Variants in ESCO1 observed in about 807,000 individuals in gnomAD.
ESCO1 encodes the protein N-acetyltransferase ESCO1.
A neutral mutation model predicts 83.5 loss-of-function variants in ESCO1; 33 were observed. That is an observed-to-expected ratio of 0.40 (90% confidence interval 0.30 to 0.53). ESCO1 has a LOEUF of 0.53. ESCO1 is among the 20% of genes least tolerant of loss of function. The pLI is 0.63. For synonymous variants in ESCO1, 332 were observed against 324.3 expected, an observed-to-expected ratio of 1.02 and a Z score of -0.25; for missense variants, 855 against 968.0, an observed-to-expected ratio of 0.88 and a Z score of 1.55.
At chr18:21,583,571 G>A (rs1310557686) in intron 2 of ESCO1, among the ~76,000 whole-genome samples, 1 of 151,908 alleles carries the variant, frequency 6.6e-6, no homozygotes, top group Non-Finnish European at 1.5e-5. Flanking sequence ...TTGAACCCAG[G>A]AGGCAGAGGT....
At chr18:21,591,222 G>A (rs190245058) in intron 1 of ESCO1, among the ~76,000 whole-genome samples, 1 of 152,324 alleles carries the variant, frequency 6.6e-6, no homozygotes, top group East Asian at 1.9e-4. Context: ...CCTTGTAAGA[G>A]AAGGAGACAG....
chr18:21,570,908 C>T lies in ESCO1; in HGVS notation c.1530+2406G>A, dbSNP rs906593183. On this transcript the variant is annotated intron_variant, in intron 4 of 11. Transcript: ENST00000269214. ...AGGAGAATGGCGTGAACCCAGGAGGCGGAGCCTGCAGTGAGCCGAGATGCA... is the reference window on the plus strand; with the variant it reads ...AGGAGAATGGCGTGAACCCAGGAGGTGGAGCCTGCAGTGAGCCGAGATGCA... Among the ~76,000 whole-genome samples the T allele has an allele frequency of 3.3e-5, 5 of 149,834 alleles. No individual in the cohort carries two copies. The South Asian group carries it at 6.3e-4, about 19-fold the overall frequency.
At chr18:21,549,817 A>C (rs1238088934) in intron 8 of ESCO1, among the ~76,000 whole-genome samples, 2 of 151,290 alleles carry the variant, frequency 1.3e-5, no homozygotes, top group Non-Finnish European at 2.9e-5. Context: ...AAATACAAAA[A>C]TTAGCTGGGT....
intron 8 of ESCO1, among the ~76,000 whole-genome samples, chr18:21,546,068 A>T (rs530210630): frequency 6.6e-6 from 1 of 152,266 alleles, no homozygotes; most frequent in Non-Finnish European, 1.5e-5. Flanking sequence ...CTCTCAATTC[A>T]GTAAATTTGT....
intron 7 of ESCO1, among the ~76,000 whole-genome samples, 181 bp downstream of exon 7, chr18:21,564,022 T>A (rs568032826): frequency 2.2e-4 from 34 of 151,906 alleles, no homozygotes; most frequent in Non-Finnish European, 3.7e-4. Context: ...TCTGCTTTCC[T>A]CCATAAGTTG....
At chr18:21,591,547 T>A (rs988727064) in intron 1 of ESCO1, among the ~76,000 whole-genome samples, 1 of 152,308 alleles carries the variant, frequency 6.6e-6, no homozygotes, top group Admixed American at 6.5e-5. Context: ...TATCAAACTT[T>A]CTTTCTTCAT....
chr18:21,567,853 T>C, intron 5 of ESCO1, 127 bp downstream of exon 5: 1 of 644,474 alleles, frequency 1.6e-6, no homozygotes, highest in East Asian at 2.9e-5. Context: ...GATAATCACA[T>C]ATTTGAAAAA....
Position 21,564,432 on chromosome 18 carries a change from C to T in ESCO1, c.1707-115G>A, listed in dbSNP as rs948179559. ...TTGAGACGAAGTCTCACTCTGTCGC[C>T]CAGGCTGGAGTGCAGTGGCGCAATC... On this transcript the variant is annotated intron_variant, in intron 6 of 11. Coordinates refer to ENST00000269214, the MANE Select transcript of ESCO1 (RefSeq NM_052911.3). 4.1e-6 allele frequency: 3 copies of T among 726,776 alleles called. No individual in the cohort carries two copies. In the African/African-American group the frequency reaches 5.4e-5, roughly 13 times the overall value. 45.0% of individuals were successfully genotyped at this position (726,776 alleles called of 1,614,324 possible). A position where few individuals can be genotyped will look rare whatever the true frequency, so the allele number is the denominator to read the frequency against.
In ESCO1 at chr18:21,573,615, T is replaced by TGA; in HGVS notation, c.1227_1228dup (p.Gln410LeufsTer7). 1 of 1,614,090 alleles carries TGA rather than the reference T, an allele frequency of 6.2e-7. No individual in the cohort carries two copies. Among genetic ancestry groups the TGA allele is most frequent in the Non-Finnish European group, 8.5e-7 (1 of 1,179,982 alleles). Reference sequence around the variant, plus strand: ...TAATAAGCCTAATTTAGGGGAAACTTGAGAGTCCAACTTATTGTGCTGCAC... The same window carrying TGA: ...TAATAAGCCTAATTTAGGGGAAACTTGAGAGAGTCCAACTTATTGTGCTGCAC... On this transcript the variant is annotated frameshift_variant, in exon 4 of 12. Coordinates refer to ENST00000269214, the MANE Select transcript of ESCO1 (RefSeq NM_052911.3). LOFTEE classifies it high-confidence loss of function.
At chr18:21,588,659 G>GT (rs1568113387) in intron 1 of ESCO1, among the ~76,000 whole-genome samples, 1 of 152,156 alleles carries the variant, frequency 6.6e-6, no homozygotes, top group Non-Finnish European at 1.5e-5. Context: ...GCTCACGCCT[G>GT]TAATACTAAC....
chr18:21,600,246 C>G (rs549318901), intron 1 of ESCO1, among the ~76,000 whole-genome samples: 1 of 152,352 alleles, frequency 6.6e-6, no homozygotes, highest in East Asian at 1.9e-4. Flanking sequence ...ACTGGCGCTG[C>G]CCCGGTGCTA....
chr18:21,558,000 A>C (rs966147013), intron 8 of ESCO1, among the ~76,000 whole-genome samples: 2 of 149,524 alleles, frequency 1.3e-5, no homozygotes, highest in Non-Finnish European at 3.0e-5. Flanking sequence ...TTTTTTTTGA[A>C]ACAGGGTCCT....
intron 6 of ESCO1, 26 bp from the exon 7 acceptor site, chr18:21,564,343 G>A (rs1568102495): frequency 7.1e-7 from 1 of 1,409,376 alleles, no homozygotes; most frequent in Admixed American, 1.9e-5. Flanking sequence ...ATTACTAAAT[G>A]TTACAGATCC....
At chr18:21,566,721 G>A (rs1379488639) in intron 5 of ESCO1, among the ~76,000 whole-genome samples, 1 of 152,018 alleles carries the variant, frequency 6.6e-6, no homozygotes, top group African/African-American at 2.4e-5. Context: ...TAAGCCGGGT[G>A]TGGTGATGTG....
At chr18:21,589,174 G>A (rs932188386) in intron 1 of ESCO1, among the ~76,000 whole-genome samples, 1 of 151,728 alleles carries the variant, frequency 6.6e-6, no homozygotes, top group African/African-American at 2.4e-5. Flanking sequence ...GGGAGGTAGA[G>A]GATACAGTGA....
At chr18:21,572,001 T>C (rs1598469555) in intron 4 of ESCO1, among the ~76,000 whole-genome samples, 2 of 152,332 alleles carry the variant, frequency 1.3e-5, no homozygotes, top group African/African-American at 4.8e-5. Flanking sequence ...AGACTCCTAA[T>C]GCACTCACAT....
At chr18:21,586,080 C>T (rs2658449) in intron 1 of ESCO1, among the ~76,000 whole-genome samples, 149,917 of 152,320 alleles carry the variant, frequency 0.98, 73,818 homozygotes, top group East Asian at 1. Flanking sequence ...AAATACGCAA[C>T]AAATTATTAA....
At chr18:21,540,269 TATC>T (rs1273680955) in intron 8 of ESCO1, among the ~76,000 whole-genome samples, 24 of 152,164 alleles carry the variant, frequency 1.6e-4, no homozygotes, top group African/African-American at 5.5e-4. Context: ...ATTTCTAATT[TATC>T]ATTTCCCGTT....
At chr18:21,580,014 G>A (rs12963735) in intron 2 of ESCO1, among the ~76,000 whole-genome samples, 20 of 150,906 alleles carry the variant, frequency 1.3e-4, no homozygotes, top group Admixed American at 6.0e-4. Flanking sequence ...TCCTGCCTCA[G>A]CCTCCTGAGT....
Sources: allele counts gnomAD v4.1 joint callset (sites outside exome capture counted in the v4.1 genomes callset), GRCh38; gene constraint gnomAD v4.1.1; transcripts MANE v1.5; gene names NCBI Gene and HGNC (gene_info 2026-07-23, HGNC 2026-07-21).